Variants in RBFOX1 observed in about 807,000 individuals in gnomAD.
RBFOX1 encodes the protein RNA binding fox-1 homolog 1.
In RBFOX1, 8 loss-of-function variants were observed where a neutral mutation model predicts 57.7. That is an observed-to-expected ratio of 0.14 (90% CI 0.08 to 0.25). RBFOX1 has a LOEUF of 0.25. Among genes scored for constraint, RBFOX1 ranks in the 10% least tolerant of loss-of-function variants. RBFOX1 has a pLI of 1.00. For missense variants in RBFOX1, 611 were observed against 548.5 expected, an observed-to-expected ratio of 1.11 and a Z score of -1.14; for synonymous variants, 326 against 222.4, an observed-to-expected ratio of 1.47 and a Z score of -4.15.
intron 3 of RBFOX1, among the ~76,000 whole-genome samples, chr16:6,914,935 C>G (rs966316392): frequency 6.6e-6 from 1 of 152,216 alleles, no homozygotes; most frequent in East Asian, 1.9e-4. Flanking sequence ...ACTCACATAA[C>G]TTTTAGAGAA....
At chr16:6,744,302 A>C (rs2073049631) in intron 3 of RBFOX1, among the ~76,000 whole-genome samples, 2 of 152,128 alleles carry the variant, frequency 1.3e-5, no homozygotes, top group African/African-American at 4.8e-5. Context: ...AAATAGCTAG[A>C]AAATTATTAA....
intron 3 of RBFOX1, among the ~76,000 whole-genome samples, chr16:5,759,244 A>G (rs1484378154): frequency 6.6e-6 from 1 of 152,196 alleles, no homozygotes; most frequent in Non-Finnish European, 1.5e-5. Context: ...GTCTGTGTTC[A>G]GCTTACAGAA....
intron 2 of RBFOX1, among the ~76,000 whole-genome samples, chr16:6,588,703 A>G (rs563582264): frequency 4.6e-5 from 7 of 152,294 alleles, no homozygotes; most frequent in East Asian, 3.9e-4. Context: ...TTGGTCTTCT[A>G]TGATGTTGAT....
intron 3 of RBFOX1, among the ~76,000 whole-genome samples, chr16:6,730,894 C>G (rs748168498): frequency 6.6e-6 from 1 of 152,074 alleles, no homozygotes; most frequent in Non-Finnish European, 1.5e-5. Context: ...TTAGAATTAC[C>G]AAATATGGGG....
intron 1 of RBFOX1, chr16:5,366,431 C>A: frequency 6.8e-6 from 3 of 444,216 alleles, no homozygotes; most frequent in South Asian, 1.8e-5. Flanking sequence ...CAAGTCAAAT[C>A]AAAATGAAAA....
At chr16:6,187,372 T>C (rs2097111864) in intron 1 of RBFOX1, among the ~76,000 whole-genome samples, 2 of 152,068 alleles carry the variant, frequency 1.3e-5, no homozygotes, top group Non-Finnish European at 2.9e-5. Context: ...ACAACACCCC[T>C]AGATGTGACG....
chr16:7,330,059 A>G (rs2096664203), intron 4 of RBFOX1, among the ~76,000 whole-genome samples: 1 of 152,170 alleles, frequency 6.6e-6, no homozygotes, highest in Admixed American at 6.5e-5. Context: ...TAACATTATA[A>G]TATAATCTGA....
intron 3 of RBFOX1, among the ~76,000 whole-genome samples, chr16:6,936,665 A>G (rs1393444825): frequency 6.6e-6 from 1 of 152,124 alleles, no homozygotes; most frequent in African/African-American, 2.4e-5. Context: ...GCTATTTCAC[A>G]GATACAAAAC....
At chr16:5,650,877 C>A (rs2049213022) in intron 3 of RBFOX1, among the ~76,000 whole-genome samples, 1 of 151,988 alleles carries the variant, frequency 6.6e-6, no homozygotes, top group African/African-American at 2.4e-5. Context: ...GTGAATGAGA[C>A]ACAGGGAACA....
intron 1 of RBFOX1, among the ~76,000 whole-genome samples, chr16:5,420,761 C>T (rs1028401908): frequency 6.6e-6 from 1 of 152,092 alleles, no homozygotes; most frequent in Non-Finnish European, 1.5e-5. Context: ...GTCTCAAACT[C>T]TTGGCCTCAA....
rs1047244781 is a variant in RBFOX1 at position 6,390,219 on chromosome 16, A to G, written c.-64+73162A>G. On this transcript the variant is annotated intron_variant, in intron 2 of 15. Transcript: ENST00000550418. ...ATGCACATGCAATGGATGTATTTAC[A>G]TATCCGTAAACCTGAGTCTTTTTAC... is the stretch of plus-strand genomic sequence containing the variant. 3.9e-5 allele frequency among the ~76,000 whole-genome samples: 6 copies of G among 152,326 alleles called. No individual in the cohort carries two copies. The East Asian group carries it at 7.7e-4, about 20-fold the overall frequency.
chr16:6,651,759 G>A (rs1427573696), intron 2 of RBFOX1, among the ~76,000 whole-genome samples: 1 of 152,158 alleles, frequency 6.6e-6, no homozygotes, highest in East Asian at 1.9e-4. Flanking sequence ...GTACACACCC[G>A]TGTTCATAGC....
chr16:5,997,376 G>C (rs1301854372), intron 4 of RBFOX1, among the ~76,000 whole-genome samples: 1 of 152,222 alleles, frequency 6.6e-6, no homozygotes, highest in Non-Finnish European at 1.5e-5. Context: ...ACTTGAGTCT[G>C]AAAGCATCAT....
At chr16:5,316,782 T>A (rs995608190) in intron 1 of RBFOX1, among the ~76,000 whole-genome samples, 1 of 152,196 alleles carries the variant, frequency 6.6e-6, no homozygotes, top group African/African-American at 2.4e-5. Flanking sequence ...TGGTTTGGCA[T>A]TCACTTAGGA....
intron 3 of RBFOX1, among the ~76,000 whole-genome samples, chr16:5,773,383 C>T (rs187324123): frequency 7.0e-4 from 107 of 152,344 alleles, no homozygotes; most frequent in South Asian, 5.4e-3. Context: ...CACATCCATA[C>T]ACACACATTG....
chr16:7,350,710 C>A (rs1478455386), intron 4 of RBFOX1, among the ~76,000 whole-genome samples: 4 of 152,130 alleles, frequency 2.6e-5, no homozygotes, highest in African/African-American at 9.7e-5. Context: ...TTTCTTTGAT[C>A]TTCATTGACC....
chr16:7,266,162 A>G (rs976156589), intron 4 of RBFOX1, among the ~76,000 whole-genome samples: 1 of 151,698 alleles, frequency 6.6e-6, no homozygotes, highest in Non-Finnish European at 1.5e-5. Flanking sequence ...TTTTTAGTAC[A>G]GACGGGGTTT....
At chr16:7,119,915 C>T (rs375139657) in intron 4 of RBFOX1, among the ~76,000 whole-genome samples, 2 of 151,998 alleles carry the variant, frequency 1.3e-5, no homozygotes, top group Admixed American at 6.6e-5. Context: ...TGTTCAAGTC[C>T]ACATGAGATA....
intron 3 of RBFOX1, among the ~76,000 whole-genome samples, chr16:6,936,042 C>T (rs1233382477): frequency 3.3e-5 from 5 of 152,116 alleles, no homozygotes; most frequent in African/African-American, 7.2e-5. Context: ...CTTCTCAATG[C>T]GCAAGAGTAT....
Sources: gnomAD v4.1 joint callset for allele counts (sites outside exome capture counted in the v4.1 genomes callset) on GRCh38, gnomAD v4.1.1 for gene constraint, MANE v1.5 for transcripts, NCBI Gene and HGNC (gene_info 2026-07-23, HGNC 2026-07-21) for gene names.